The following SEMA3A variants were observed in gnomAD, a reference collection of about 807,000 sequenced individuals.
SEMA3A encodes semaphorin-3A.
SEMA3A carries 29 observed loss-of-function variants against 97.9 expected under a neutral mutation model. The ratio of observed to expected loss-of-function variants is 0.30; its 90% CI spans 0.22 to 0.40. SEMA3A has a LOEUF of 0.40. Ranked by LOEUF, SEMA3A falls within the 10% of genes least tolerant of loss-of-function variation. The probability of loss-of-function intolerance (pLI) is 1.00; values close to 1 mark genes in which losing one functional copy is unlikely to be tolerated. For missense variants in SEMA3A, 763 were observed against 951.3 expected (o/e 0.80, Z 2.60); for synonymous variants, 321 against 323.7 (o/e 0.99, Z 0.09).
At chr7:84,431,321 G>A (rs1000808979) in intron 1 of SEMA3A, among the ~76,000 whole-genome samples, 1 of 151,950 alleles carries the variant, frequency 6.6e-6, no homozygotes, top group Non-Finnish European at 1.5e-5. Flanking sequence ...TCGTTTCCAT[G>A]ACTGTGATTC....
chr7:84,154,505 G>A (rs1318363417), intron 1 of SEMA3A, among the ~76,000 whole-genome samples: 1 of 151,572 alleles, frequency 6.6e-6, no homozygotes, highest in East Asian at 1.9e-4. Flanking sequence ...TTGAAACCCC[G>A]TCTCTACTAA....
At chr7:84,329,216 T>C (rs766102451) in intron 2 of SEMA3A, among the ~76,000 whole-genome samples, 16 of 152,014 alleles carry the variant, frequency 1.1e-4, no homozygotes, top group Admixed American at 4.6e-4. Context: ...ATGAAGGCAG[T>C]AAAACATTGA....
intron 12 of SEMA3A, among the ~76,000 whole-genome samples, chr7:83,995,881 G>A (rs561856982): frequency 2.0e-5 from 3 of 152,252 alleles, no homozygotes; most frequent in Non-Finnish European, 2.9e-5. Context: ...TTTTTAGAAT[G>A]AGTTTATAGA....
chr7:84,485,953 A>G (rs1163956490), intron 1 of SEMA3A, among the ~76,000 whole-genome samples: 1 of 152,182 alleles, frequency 6.6e-6, no homozygotes, highest in South Asian at 2.1e-4. Flanking sequence ...AAAATTTTTG[A>G]TAAGTGTTTT....
At chr7:84,426,609 C>A (rs1804836146) in intron 1 of SEMA3A, among the ~76,000 whole-genome samples, 1 of 152,008 alleles carries the variant, frequency 6.6e-6, no homozygotes, top group Non-Finnish European at 1.5e-5. Flanking sequence ...CTACTCCTAC[C>A]ATTAATTCAT....
intron 3 of SEMA3A, among the ~76,000 whole-genome samples, chr7:84,280,310 C>G (rs994545994): frequency 1.3e-5 from 2 of 152,192 alleles, no homozygotes; most frequent in African/African-American, 2.4e-5. Flanking sequence ...GCACAAATCA[C>G]AGTGTCTCCT....
At chr7:84,030,457 T>C (rs1386336317) in intron 6 of SEMA3A, among the ~76,000 whole-genome samples, 1 of 152,086 alleles carries the variant, frequency 6.6e-6, no homozygotes, top group Non-Finnish European at 1.5e-5. Flanking sequence ...TTTTTAAAAG[T>C]TTCAGTGCTT....
chr7:84,325,404 T>C (rs917902956), intron 2 of SEMA3A, among the ~76,000 whole-genome samples: 5 of 152,022 alleles, frequency 3.3e-5, no homozygotes, highest in Admixed American at 1.3e-4. Flanking sequence ...AGAACTTCTC[T>C]GGAAAGGTCA....
chr7:84,349,351 CA>C, intron 2 of SEMA3A, among the ~76,000 whole-genome samples: 1 of 152,194 alleles, frequency 6.6e-6, no homozygotes, highest in South Asian at 2.1e-4. Flanking sequence ...GCAATATCCT[CA>C]AATATGGTAG....
chr7:84,373,358 A>T (rs769285355), intron 1 of SEMA3A, among the ~76,000 whole-genome samples: 1 of 152,210 alleles, frequency 6.6e-6, no homozygotes, highest in Non-Finnish European at 1.5e-5. Flanking sequence ...TTCCTACTTC[A>T]TCAGCGTTAC....
chr7:83,967,971 T>C (rs952741135), intron 15 of SEMA3A, among the ~76,000 whole-genome samples: 1 of 152,176 alleles, frequency 6.6e-6, no homozygotes, highest in East Asian at 1.9e-4. Context: ...TTGAAATATA[T>C]ACTACTTTAT....
intron 3 of SEMA3A, among the ~76,000 whole-genome samples, chr7:84,300,660 C>G (rs1026157256): frequency 6.6e-6 from 1 of 151,662 alleles, no homozygotes; most frequent in African/African-American, 2.4e-5. Flanking sequence ...CAGATAATAA[C>G]AAAATAGTCA....
At chr7:84,046,041 C>G (rs147023984) in intron 6 of SEMA3A, among the ~76,000 whole-genome samples, 256 of 151,688 alleles carry the variant, frequency 1.7e-3, no homozygotes, top group African/African-American at 5.6e-3. Context: ...GTCATCTTAT[C>G]TTTTTCCATT....
chr7:84,172,597 A>AT (rs540089418), intron 1 of SEMA3A, among the ~76,000 whole-genome samples: 2,104 of 149,426 alleles, frequency 0.014, 57 homozygotes, highest in African/African-American at 0.048. Flanking sequence ...CATTTTTTGT[A>AT]TTTTTTTTTC....
chr7:84,362,253 A>G (rs956492369), intron 2 of SEMA3A, among the ~76,000 whole-genome samples: 1 of 151,980 alleles, frequency 6.6e-6, no homozygotes, highest in Non-Finnish European at 1.5e-5. Flanking sequence ...ATAAATTCTT[A>G]ATTTCTCCCA....
intron 1 of SEMA3A, among the ~76,000 whole-genome samples, chr7:84,398,604 T>C (rs574579794): frequency 5.6e-4 from 85 of 151,454 alleles, no homozygotes; most frequent in African/African-American, 1.9e-3. Context: ...CAATTTTTTT[T>C]CTTTTTTTTG....
chr7:84,446,326 G>A (rs968910269), intron 1 of SEMA3A, among the ~76,000 whole-genome samples: 1 of 152,080 alleles, frequency 6.6e-6, no homozygotes, highest in Non-Finnish European at 1.5e-5. Flanking sequence ...AACATTCTAT[G>A]AGGCCAGTGT....
intron 2 of SEMA3A, among the ~76,000 whole-genome samples, chr7:84,130,069 C>T (rs1795918499): frequency 6.6e-6 from 1 of 152,010 alleles, no homozygotes; most frequent in Non-Finnish European, 1.5e-5. Context: ...TGACTCCTAT[C>T]TGTATAGGGG....
chr7:84,072,816 A>ACATTG lies in SEMA3A; in HGVS notation c.454-12263_454-12259dup, dbSNP rs1562758222. Among the ~76,000 whole-genome samples the ACATTG allele has an allele frequency of 2.0e-5, 3 of 152,162 alleles. No individual in the cohort carries two copies. In the South Asian group the frequency reaches 6.2e-4, roughly 32 times the overall value. On this transcript the variant is annotated intron_variant, in intron 4 of 16. Coordinates refer to ENST00000265362, the MANE Select transcript of SEMA3A (RefSeq NM_006080.3). ...ATTTTCATTTAACATTTAAGTGTTA[A>ACATTG]CATTGCCTTAAAACTTCATGTATAT... is the stretch of plus-strand genomic sequence containing the variant.
Sources: allele counts gnomAD v4.1 joint callset (sites outside exome capture counted in the v4.1 genomes callset), GRCh38; gene constraint gnomAD v4.1.1; transcripts MANE v1.5; gene names NCBI Gene and HGNC (gene_info 2026-07-23, HGNC 2026-07-21).